The following TAFA1 variants were observed in gnomAD, a reference collection of about 807,000 sequenced individuals.
TAFA1 encodes chemokine-like protein TAFA-1.
A neutral mutation model predicts 18.5 loss-of-function variants in TAFA1; 4 were observed. The ratio of observed to expected loss-of-function variants is 0.22; its 90% confidence interval spans 0.11 to 0.49. The LOEUF is 0.49. Ranked by LOEUF, TAFA1 falls within the 20% of genes least tolerant of loss-of-function variation. The pLI is 0.98. For synonymous variants in TAFA1, 56 were observed against 55.2 expected, an observed-to-expected ratio of 1.01 and a Z score of -0.06; for missense variants, 147 against 169.0, an observed-to-expected ratio of 0.87 and a Z score of 0.72.
At chr3:68,011,304 A>G (rs1038245065) in intron 2 of TAFA1, among the ~76,000 whole-genome samples, 4 of 152,142 alleles carry the variant, frequency 2.6e-5, no homozygotes, top group African/African-American at 9.7e-5. Context: ...AGTCACTGCT[A>G]TTTTATCGAC....
chr3:68,044,437 C>A (rs1047826668), intron 2 of TAFA1, among the ~76,000 whole-genome samples: 1 of 152,066 alleles, frequency 6.6e-6, no homozygotes, highest in Admixed American at 6.6e-5. Context: ...AGAAAAAAAT[C>A]TGAACTTTCT....
chr3:68,481,902 A>G (rs1399854065), intron 3 of TAFA1, among the ~76,000 whole-genome samples: 1 of 152,228 alleles, frequency 6.6e-6, no homozygotes, highest in Non-Finnish European at 1.5e-5. Flanking sequence ...ATGGTCTTCT[A>G]GTTGCAATCT....
At chr3:68,387,720 A>G (rs1434983293) in intron 2 of TAFA1, among the ~76,000 whole-genome samples, 2 of 152,156 alleles carry the variant, frequency 1.3e-5, no homozygotes, top group East Asian at 3.9e-4. Context: ...CTGTAGTCAA[A>G]GATTCCCCAT....
intron 3 of TAFA1, among the ~76,000 whole-genome samples, chr3:68,479,871 C>T (rs1398185964): frequency 6.6e-6 from 1 of 151,612 alleles, no homozygotes; most frequent in Non-Finnish European, 1.5e-5. Context: ...CATACTCATA[C>T]ACACGCATAC....
intron 2 of TAFA1, among the ~76,000 whole-genome samples, chr3:68,209,236 C>A (rs561755939): frequency 1.3e-5 from 2 of 151,926 alleles, no homozygotes; most frequent in Non-Finnish European, 2.9e-5. Flanking sequence ...AGCAGAGGAC[C>A]CAGCTAAAAC....
intron 2 of TAFA1, among the ~76,000 whole-genome samples, chr3:68,390,273 A>G (rs921796955): frequency 1.3e-5 from 2 of 151,886 alleles, no homozygotes; most frequent in Admixed American, 6.6e-5. Context: ...CCACAGAACC[A>G]CAAAGCTACT....
intron 3 of TAFA1, among the ~76,000 whole-genome samples, chr3:68,515,218 A>C (rs2072903264): frequency 6.6e-6 from 1 of 152,136 alleles, no homozygotes; most frequent in African/African-American, 2.4e-5. Flanking sequence ...AGAGTCTAAA[A>C]AGGGTGGGTG....
intron 2 of TAFA1, among the ~76,000 whole-genome samples, chr3:68,382,710 G>T (rs1193760469): frequency 6.6e-6 from 1 of 151,982 alleles, no homozygotes; most frequent in Non-Finnish European, 1.5e-5. Flanking sequence ...GGTTCCATAT[G>T]AACTTTAAAA....
chr3:68,477,170 A>T (rs1023673770), intron 3 of TAFA1, among the ~76,000 whole-genome samples: 2 of 151,888 alleles, frequency 1.3e-5, no homozygotes, highest in African/African-American at 2.4e-5. Context: ...TATATGTTTT[A>T]TATATATAGT....
intron 2 of TAFA1, among the ~76,000 whole-genome samples, chr3:68,133,673 C>T (rs2065570441): frequency 1.3e-5 from 2 of 152,002 alleles, no homozygotes; most frequent in Admixed American, 1.3e-4. Context: ...CTGTTTGCCT[C>T]TTATTGGTGT....
intron 2 of TAFA1, among the ~76,000 whole-genome samples, chr3:68,076,628 G>A (rs1473676837): frequency 6.6e-6 from 1 of 152,272 alleles, no homozygotes; most frequent in Non-Finnish European, 1.5e-5. Context: ...CCCTACAAAG[G>A]ACATGAACTC....
chr3:68,054,030 A>G (rs1272123390), intron 2 of TAFA1, among the ~76,000 whole-genome samples: 2 of 152,202 alleles, frequency 1.3e-5, no homozygotes, highest in Non-Finnish European at 2.9e-5. Context: ...AAAAGTATCA[A>G]AATAGCCATC....
intron 2 of TAFA1, among the ~76,000 whole-genome samples, chr3:68,213,441 G>C (rs1214982550): frequency 6.6e-6 from 1 of 151,982 alleles, no homozygotes; most frequent in East Asian, 1.9e-4. Flanking sequence ...TCATTGATCT[G>C]GCTTGGCTGT....
intron 2 of TAFA1, among the ~76,000 whole-genome samples, chr3:68,057,931 G>C (rs1352829698): frequency 6.6e-6 from 1 of 152,140 alleles, no homozygotes. Context: ...GTGCAGCCCT[G>C]CTGACACCTT....
chr3:68,325,003 G>A (rs1432493739), intron 2 of TAFA1, among the ~76,000 whole-genome samples: 1 of 152,126 alleles, frequency 6.6e-6, no homozygotes, highest in African/African-American at 2.4e-5. Flanking sequence ...GGTATTCTAT[G>A]AAATTGTTTG....
chr3:68,240,450 G>C (rs891356830), intron 2 of TAFA1, among the ~76,000 whole-genome samples: 1 of 152,182 alleles, frequency 6.6e-6, no homozygotes, highest in Non-Finnish European at 1.5e-5. Context: ...CGAGGGCAGA[G>C]AAGAGAGCAG....
intron 2 of TAFA1, among the ~76,000 whole-genome samples, chr3:68,184,715 CAT>C (rs1178374866): frequency 6.6e-6 from 1 of 152,092 alleles, no homozygotes; most frequent in Non-Finnish European, 1.5e-5. Context: ...ACTACTCACT[CAT>C]GTGAAATTGC....
chr3:68,070,146 G>T (rs2064735042), intron 2 of TAFA1, among the ~76,000 whole-genome samples: 1 of 152,206 alleles, frequency 6.6e-6, no homozygotes, highest in Admixed American at 6.5e-5. Context: ...CATTAGCAGA[G>T]GTTTTCCATG....
chr3:68,452,255 G>T (rs986908736), intron 3 of TAFA1, among the ~76,000 whole-genome samples: 7 of 151,974 alleles, frequency 4.6e-5, no homozygotes, highest in African/African-American at 1.7e-4. Context: ...GGGCGCCGTG[G>T]CTCACATCTG....
Sources: allele counts gnomAD v4.1 joint callset (sites outside exome capture counted in the v4.1 genomes callset), GRCh38; gene constraint gnomAD v4.1.1; transcripts MANE v1.5; gene names NCBI Gene and HGNC (gene_info 2026-07-23, HGNC 2026-07-21).